TNR: variants seen among roughly 807,000 people sequenced by gnomAD.
TNR encodes tenascin R.
A neutral mutation model predicts 150.4 loss-of-function variants in TNR; 45 were observed. The observed-to-expected ratio is 0.30, with a 90% CI of 0.24 to 0.38. The LOEUF is 0.38. Ranked by LOEUF, TNR falls within the 10% of genes least tolerant of loss-of-function variation. The probability of loss-of-function intolerance (pLI) is 1.00; values close to 1 mark genes in which losing one functional copy is unlikely to be tolerated. For synonymous variants in TNR, 687 were observed against 678.4 expected, an observed-to-expected ratio of 1.01 and a Z score of -0.20; for missense variants, 1,544 against 1,759.1, an observed-to-expected ratio of 0.88 and a Z score of 2.19.
intron 1 of TNR, among the ~76,000 whole-genome samples, chr1:175,736,557 C>CGGGGGTGAGG: frequency 6.6e-6 from 1 of 151,452 alleles, no homozygotes; most frequent in Admixed American, 6.6e-5. Context: ...ATAGGCTTTT[C>CGGGGGTGAGG]GGGGGTGAGG....
rs1557868327 is a variant in TNR, at chr1:175,331,114, T to TCTC, written c.3632-880_3632-879insGAG. Among the ~76,000 whole-genome samples the TCTC allele has an allele frequency of 3.2e-4, 22 of 69,486 alleles. 2 individuals are homozygous for TCTC. The highest frequency in any genetic ancestry group is 5.2e-4 in the Non-Finnish European group (17 of 32,814). The allele number at this position is 69,486 out of a possible 152,430, so 45.6% of individuals were successfully genotyped here. A position where few individuals can be genotyped will look rare whatever the true frequency, so the allele number is the denominator to read the frequency against. ...CTTTCTTTCTTTCTCTCTCTCTTTC[T>TCTC]TTTCTTTCTTTCTTTCTTTTCTTTC... On this transcript the variant is annotated intron_variant, in intron 20 of 22. Coordinates refer to ENST00000367674, the MANE Select transcript of TNR (RefSeq NM_003285.3).
At chr1:175,416,096 A>G (rs1394577662) in intron 2 of TNR, among the ~76,000 whole-genome samples, 3 of 152,016 alleles carry the variant, frequency 2.0e-5, no homozygotes. Flanking sequence ...AATTCTTAAC[A>G]TCTGTAAAGC....
At chr1:175,694,170 T>C (rs1039048412) in intron 1 of TNR, among the ~76,000 whole-genome samples, 1 of 152,222 alleles carries the variant, frequency 6.6e-6, no homozygotes, top group Admixed American at 6.5e-5. Context: ...CTCAGTCTTA[T>C]AACAAAGTAC....
Position 175,406,491 on chromosome 1 carries a change from A to G in TNR, c.224T>C (p.Leu75Ser), listed in dbSNP as rs776046596. The G allele has an allele frequency of 1.2e-6, 2 of 1,614,104 alleles. No homozygotes were observed. Among genetic ancestry groups the G allele is most frequent in the South Asian group, 2.2e-5 (2 of 91,072 alleles). Residue 75 changes from leucine (L) to serine (S), a missense_variant, in exon 3 of 23, where the codon TTG becomes TCG. Transcript: ENST00000367674. ...TAGCCCTGAGGAGCAGAGGTTGTCC[A>G]AGGGCACGTTAATGTTGTACACGTG... is the stretch of plus-strand genomic sequence containing the variant. ...FNHVYNINVPLDNLCSSGLEA... is the reference protein window; with the variant it reads ...FNHVYNINVPSDNLCSSGLEA...
chr1:175,591,269 T>C (rs1459071517), intron 1 of TNR, among the ~76,000 whole-genome samples: 1 of 152,182 alleles, frequency 6.6e-6, no homozygotes, highest in Non-Finnish European at 1.5e-5. Flanking sequence ...GGGCTCTGTG[T>C]CCCTGGGACA....
At chr1:175,406,125 G>A in intron 3 of TNR, 91 bp downstream of exon 3, 2 of 1,500,458 alleles carry the variant, frequency 1.3e-6, no homozygotes, top group African/African-American at 2.8e-5. Flanking sequence ...GTTTTCGCTG[G>A]AAGTGCATTG....
intron 4 of TNR, 69 bp downstream of exon 4, chr1:175,403,071 T>C: frequency 7.6e-7 from 1 of 1,317,836 alleles, no homozygotes; most frequent in Non-Finnish European, 1.1e-6. Context: ...CTTCCCAAGC[T>C]AACTGGAGGC....
chr1:175,543,081 G>A (rs1319524420), intron 1 of TNR, among the ~76,000 whole-genome samples: 2 of 152,082 alleles, frequency 1.3e-5, no homozygotes, highest in Admixed American at 6.6e-5. Context: ...TTGAACACAC[G>A]GCCCCAAATT....
chr1:175,448,230 T>C (rs544108476), intron 2 of TNR, among the ~76,000 whole-genome samples: 1 of 152,252 alleles, frequency 6.6e-6, no homozygotes, highest in Admixed American at 6.5e-5. Flanking sequence ...TTATTTTTAT[T>C]TTTTTGAGAT....
intron 1 of TNR, among the ~76,000 whole-genome samples, chr1:175,541,034 G>A (rs1028361996): frequency 5.9e-5 from 9 of 151,888 alleles, no homozygotes; most frequent in African/African-American, 2.2e-4. Context: ...CCCCAGGCTT[G>A]CTCACCCTGG....
At chr1:175,449,442 C>T (rs1016346442) in intron 2 of TNR, among the ~76,000 whole-genome samples, 1 of 152,168 alleles carries the variant, frequency 6.6e-6, no homozygotes, top group African/African-American at 2.4e-5. Context: ...CCTTTCCTTC[C>T]TCTTTTTCTT....
intron 2 of TNR, among the ~76,000 whole-genome samples, chr1:175,414,238 C>G (rs760573166): frequency 1.3e-5 from 2 of 150,654 alleles, no homozygotes; most frequent in Non-Finnish European, 3.0e-5. Flanking sequence ...TTTAGCAGCC[C>G]AAGTGGACTA....
At chr1:175,662,146 A>T (rs1372132974) in intron 1 of TNR, among the ~76,000 whole-genome samples, 1 of 152,182 alleles carries the variant, frequency 6.6e-6, no homozygotes, top group Non-Finnish European at 1.5e-5. Context: ...AGGCTTGCGA[A>T]TAGTAGTTGT....
In TNR at chr1:175,396,760, T is replaced by C. The variant is rs1316471843; in HGVS notation, c.1024A>G (p.Ile342Val). 3.1e-6 allele frequency: 5 copies of C among 1,614,126 alleles called. No individual in the cohort carries two copies. The highest frequency in any genetic ancestry group is 4.2e-6 in the Non-Finnish European group (5 of 1,180,014). The change falls in exon 5 of 23, where the codon ATT (isoleucine) becomes GTT (valine). Residue 342 changes from isoleucine (I) to valine (V), a missense_variant. Ile to Val is a conservative substitution (Grantham distance 29, BLOSUM62 3). This residue lies in a region of TNR where 1,254 missense variants were observed against 1,329.4 expected (regional missense o/e 0.94). Coordinates refer to ENST00000367674, the MANE Select transcript of TNR (RefSeq NM_003285.3). ...LRVAGISDRS[I>V]ELEWDGPMAV... ...ATCGGCCCGTCCCATTCCAGCTCAA[T>C]GGACCTGTCGCTGATACCAGCCACT...
intron 2 of TNR, among the ~76,000 whole-genome samples, chr1:175,492,052 C>G (rs1490977668): frequency 6.6e-6 from 1 of 152,128 alleles, no homozygotes; most frequent in Non-Finnish European, 1.5e-5. Context: ...CCATTGATGG[C>G]AATCAGACAA....
At chr1:175,461,594 T>A (rs777985345) in intron 2 of TNR, among the ~76,000 whole-genome samples, 3 of 152,196 alleles carry the variant, frequency 2.0e-5, no homozygotes, top group Non-Finnish European at 4.4e-5. Context: ...GTTACTTTCA[T>A]CCTCCATCTT....
intron 1 of TNR, among the ~76,000 whole-genome samples, chr1:175,588,894 G>T (rs1026545204): frequency 6.6e-6 from 1 of 152,076 alleles, no homozygotes; most frequent in African/African-American, 2.4e-5. Context: ...GCCTTAACTG[G>T]GAACAAGAGT....
intron 1 of TNR, among the ~76,000 whole-genome samples, chr1:175,583,900 G>C (rs1303991204): frequency 6.6e-6 from 1 of 152,188 alleles, no homozygotes; most frequent in Non-Finnish European, 1.5e-5. Context: ...TCATAAGACA[G>C]GCCAGCTCAC....
chr1:175,663,715 C>T (rs935891649), intron 1 of TNR, among the ~76,000 whole-genome samples: 2 of 152,150 alleles, frequency 1.3e-5, no homozygotes, highest in African/African-American at 4.8e-5. Flanking sequence ...CTTTAAATGC[C>T]AGAGGAGACA....
Sources: allele counts gnomAD v4.1 joint callset (sites outside exome capture counted in the v4.1 genomes callset), GRCh38; gene constraint gnomAD v4.1.1; regional missense constraint gnomAD v4.1.1; transcripts MANE v1.5; gene names NCBI Gene and HGNC (gene_info 2026-07-23, HGNC 2026-07-21).